Variants in IZUMO2 observed in about 807,000 individuals in gnomAD.
The protein encoded by IZUMO2 is IZUMO family member 2, also known as izumo sperm-egg fusion protein 2.
IZUMO2 carries 24 observed loss-of-function variants against 31.2 expected under a neutral mutation model. That is an observed-to-expected ratio of 0.77 (90% CI 0.56 to 1.08). The LOEUF (loss-of-function observed/expected upper bound fraction) is 1.08. Ranked by LOEUF, IZUMO2 falls within the 50% of genes least tolerant of loss-of-function variation. IZUMO2 has a pLI of 0.00. For synonymous variants in IZUMO2, 144 were observed against 117.3 expected (o/e 1.23, Z -1.47); for missense variants, 278 against 274.0 (o/e 1.01, Z -0.10).
chr19:50,158,680 G>A (rs999284293), intron 4 of IZUMO2, among the ~76,000 whole-genome samples: 27 of 152,058 alleles, frequency 1.8e-4, no homozygotes, highest in Non-Finnish European at 2.1e-4. Context: ...TCCTCTTTGG[G>A]CACACTGCCT....
In IZUMO2 at chr19:50,162,289, A is replaced by T. The variant is rs920125044; in HGVS notation, c.307+450T>A. On this transcript the variant is annotated intron_variant, in intron 2 of 6. Transcript: ENST00000293405. ...CAGGGCGAGACCGTCTCAAAAAATA[A>T]AAATAAATAAATAAATAAAAGAGTA... Among the ~76,000 whole-genome samples the T allele has an allele frequency of 2.0e-5, 3 of 151,956 alleles. No homozygotes were observed. In the East Asian group the frequency reaches 5.8e-4, roughly 29 times the overall value.
At chr19:50,158,369 A>G (rs768248449) in intron 4 of IZUMO2, 21 bp from the exon 5 acceptor site, 3 of 1,515,294 alleles carry the variant, frequency 2.0e-6, no homozygotes, top group Admixed American at 3.4e-5. Flanking sequence ...GGAAAGGGAG[A>G]AGTAAGACAA....
At chr19:50,161,923 A>C (rs1043385755) in intron 2 of IZUMO2, among the ~76,000 whole-genome samples, 1 of 152,164 alleles carries the variant, frequency 6.6e-6, no homozygotes, top group African/African-American at 2.4e-5. Context: ...CCCCCAAAAA[A>C]ATTTGGCTCT....
chr19:50,161,329 T>C (rs2030393606), intron 2 of IZUMO2, among the ~76,000 whole-genome samples: 1 of 151,630 alleles, frequency 6.6e-6, no homozygotes, highest in South Asian at 2.1e-4. Context: ...TCCATGTTGG[T>C]CAGGCTGGTC....
At chr19:50,161,792 C>T (rs992361682) in intron 2 of IZUMO2, among the ~76,000 whole-genome samples, 1 of 152,154 alleles carries the variant, frequency 6.6e-6, no homozygotes, top group African/African-American at 2.4e-5. Flanking sequence ...CTTGCTATTC[C>T]GTGGTCCCTG....
At chr19:50,162,420 C>T (rs1008733175) in intron 2 of IZUMO2, among the ~76,000 whole-genome samples, 2 of 152,056 alleles carry the variant, frequency 1.3e-5, no homozygotes, top group Non-Finnish European at 2.9e-5. Context: ...CCAGCCTGGG[C>T]AATATAATGA....
chr19:50,158,617 G>A (rs540318541), intron 4 of IZUMO2, among the ~76,000 whole-genome samples: 46 of 152,312 alleles, frequency 3.0e-4, no homozygotes, highest in African/African-American at 1.1e-3. Context: ...TTCTGAGTTT[G>A]CACTTTTCTT....
chr19:50,161,113 TCTTTTC>T (rs1206609252), intron 2 of IZUMO2, among the ~76,000 whole-genome samples: 14 of 150,874 alleles, frequency 9.3e-5, no homozygotes, highest in African/African-American at 3.2e-4. Flanking sequence ...GACGCCTTTT[TCTTTTC>T]CTTTTTCTTT....
At chr19:50,159,345 G>A (rs1166441151) in intron 3 of IZUMO2, 95 bp from the exon 4 acceptor site, 1 of 1,402,558 alleles carries the variant, frequency 7.1e-7, no homozygotes, top group Non-Finnish European at 1.0e-6. Flanking sequence ...GGGTGAGGCT[G>A]GGAAAGGAGA....
At position 50,154,834 on chromosome 19, in the gene IZUMO2, G is replaced by T. The variant is rs952006932; in HGVS notation, c.497-108C>A. 6 of 1,285,310 alleles carry T rather than the reference G, an allele frequency of 4.7e-6. No individual in the cohort carries two copies. In the African/African-American group the frequency reaches 5.9e-5, roughly 13 times the overall value. 79.6% of individuals were successfully genotyped at this position (1,285,310 alleles called of 1,614,324 possible). On this transcript the variant is annotated intron_variant, in intron 5 of 6. Coordinates refer to ENST00000293405, the MANE Select transcript of IZUMO2 (RefSeq NM_152358.3). ...AGCCTGGGGCAGGGGTGGGGGTGGG[G>T]CGCTCTCTCTTCTTCTCTTCCTGCT...
chr19:50,159,611 G>C, intron 2 of IZUMO2, 31 bp from the exon 3 acceptor site: 1 of 1,456,484 alleles, frequency 6.9e-7, no homozygotes, highest in Non-Finnish European at 9.6e-7. Flanking sequence ...CTGTGGGGTG[G>C]GAGGCACCCA....
intron 1 of IZUMO2, 28 bp downstream of exon 1, chr19:50,162,935 C>T: frequency 6.2e-7 from 1 of 1,612,452 alleles, no homozygotes; most frequent in Non-Finnish European, 8.5e-7. Flanking sequence ...TCGCCCAGCC[C>T]CGCTGCCCAA....
intron 2 of IZUMO2, chr19:50,159,844 C>CCTG: frequency 6.0e-6 from 2 of 333,246 alleles, no homozygotes; most frequent in South Asian, 4.3e-5. Flanking sequence ...CTCTCTTCTC[C>CCTG]TCTTCTTTTT....
intron 2 of IZUMO2, 46 bp downstream of exon 2, chr19:50,162,693 G>A (rs1322718913): frequency 1.0e-5 from 15 of 1,482,200 alleles, no homozygotes; most frequent in Non-Finnish European, 1.4e-5. Context: ...GCAGACCGGC[G>A]GAAAGAAGAG....
chr19:50,159,849 CTTTT>C (rs200859732), intron 2 of IZUMO2: 1 of 272,198 alleles, frequency 3.7e-6, no homozygotes, highest in African/African-American at 2.3e-5. Flanking sequence ...TTCTCCTCTT[CTTTT>C]TTTTTTCTTT....
intron 2 of IZUMO2, among the ~76,000 whole-genome samples, chr19:50,161,574 C>T (rs1822425616): frequency 2.0e-5 from 3 of 152,190 alleles, no homozygotes; most frequent in African/African-American, 7.2e-5. Flanking sequence ...TCCACTCTGG[C>T]CTTCTTGGAT....
At chr19:50,162,885 T>G in intron 1 of IZUMO2, 72 bp from the exon 2 acceptor site, 2 of 1,603,846 alleles carry the variant, frequency 1.2e-6, no homozygotes, top group Non-Finnish European at 1.7e-6. Flanking sequence ...CCTCCAGGCC[T>G]GGCCCCGACC....
chr19:50,162,683 G>T, intron 2 of IZUMO2, 56 bp downstream of exon 2: 2 of 1,396,342 alleles, frequency 1.4e-6, no homozygotes, highest in South Asian at 1.2e-5. Flanking sequence ...GGGAGGTGGG[G>T]CAGACCGGCG....
In IZUMO2 at chr19:50,154,584, G is replaced by T. The variant is rs766580853; in HGVS notation, c.623+16C>A. On this transcript the variant is annotated intron_variant, in intron 6 of 6. Coordinates refer to ENST00000293405, the MANE Select transcript of IZUMO2 (RefSeq NM_152358.3). ...GGGTTCCACGGGGGACTGAGGAGGG[G>T]GCAAGGATGACTCACGAGACCACGA... 1.1e-5 allele frequency: 18 copies of T among 1,613,432 alleles called. No individual in the cohort carries two copies. The highest frequency in any genetic ancestry group is 1.4e-5 in the Non-Finnish European group (16 of 1,179,788).
Sources: gnomAD v4.1 joint callset for allele counts (sites outside exome capture counted in the v4.1 genomes callset) on GRCh38, gnomAD v4.1.1 for gene constraint, MANE v1.5 for transcripts, NCBI Gene and HGNC (gene_info 2026-07-23, HGNC 2026-07-21) for gene names.